The following LCOR variants were observed in gnomAD, a reference collection of about 807,000 sequenced individuals.
LCOR encodes ligand-dependent corepressor.
Under a neutral mutation model 64.4 loss-of-function variants are expected in LCOR, and 14 were observed. That is an observed-to-expected ratio of 0.22 (90% CI 0.14 to 0.34). LCOR has a LOEUF of 0.34. Among genes scored for constraint, LCOR ranks in the 10% least tolerant of loss-of-function variants. LCOR has a pLI of 1.00. For synonymous variants in LCOR, 643 were observed against 642.5 expected, an observed-to-expected ratio of 1.00 and a Z score of -0.01; for missense variants, 1,686 against 1,765.3, an observed-to-expected ratio of 0.96 and a Z score of 0.80.
At chr10:96,939,749 G>A (rs1036011222) in intron 4 of LCOR, among the ~76,000 whole-genome samples, 26 of 152,212 alleles carry the variant, frequency 1.7e-4, no homozygotes. Flanking sequence ...GGATCACAAG[G>A]TCAGGAGATC....
chr10:96,920,228 T>C (rs1847024230), intron 4 of LCOR, among the ~76,000 whole-genome samples: 1 of 151,762 alleles, frequency 6.6e-6, no homozygotes, highest in East Asian at 1.9e-4. Context: ...CTCGTTGTGG[T>C]TTTGGTTTGC....
At position 96,883,099 on chromosome 10, in the gene LCOR, C is replaced by T. The variant is rs567775214; in HGVS notation, c.-329-24166C>T. On this transcript the variant is annotated intron_variant, in intron 2 of 7. Transcript: ENST00000421806. ...TTGTTCAGGCTGGAGTGCAGTGGCA[C>T]GATCTTGGCTCGCTGCAACCCTCAC... is the stretch of plus-strand genomic sequence containing the variant. Among the ~76,000 whole-genome samples the T allele has an allele frequency of 8.5e-4, 129 of 152,302 alleles. 1 individual carries two copies. The highest frequency in any genetic ancestry group is 1.1e-3 in the African/African-American group (46 of 41,558).
intron 2 of LCOR, among the ~76,000 whole-genome samples, chr10:96,858,449 C>CT (rs1564605404): frequency 6.6e-6 from 1 of 152,184 alleles, no homozygotes; most frequent in Non-Finnish European, 1.5e-5. Context: ...CCTTCCAGAA[C>CT]TACAGGGTTA....
At chr10:96,896,876 A>G (rs1393987470) in intron 2 of LCOR, among the ~76,000 whole-genome samples, 2 of 152,142 alleles carry the variant, frequency 1.3e-5, no homozygotes, top group East Asian at 3.8e-4. Context: ...AGGAATAGGG[A>G]GAGGATGGGA....
At chr10:96,866,974 T>A (rs992678563) in intron 2 of LCOR, among the ~76,000 whole-genome samples, 2 of 152,118 alleles carry the variant, frequency 1.3e-5, no homozygotes, top group Admixed American at 1.3e-4. Context: ...TTTTCGTATT[T>A]GTCAGTCTTT....
rs762449830 is a variant in LCOR, at chr10:96,983,602, T to C, written c.3142T>C (p.Ser1048Pro). 5.6e-6 allele frequency: 9 copies of C among 1,614,148 alleles called. No homozygotes were observed. The highest frequency in any genetic ancestry group is 7.6e-6 in the Non-Finnish European group (9 of 1,180,018). Residue 1048 changes from serine (S) to proline (P), a missense_variant, in exon 8 of 8, where the codon TCT becomes CCT. Ser to Pro is a moderately conservative substitution (Grantham distance 74). Transcript: ENST00000421806. The surrounding 1 kb of genome is among the most constrained non-coding windows in gnomAD (Gnocchi z 4.5). ...AACCTACAACCTAAGACACGCTCATTCTCTGGGCTCCTTGGATGCTTCAAA... is the reference window on the plus strand; with the variant it reads ...AACCTACAACCTAAGACACGCTCATCCTCTGGGCTCCTTGGATGCTTCAAA... Reference protein sequence around the residue: ...SSTYNLRHAHSLGSLDASKVT... With the variant: ...SSTYNLRHAHPLGSLDASKVT...
chr10:96,932,348 A>C (rs1847275189), intron 4 of LCOR, among the ~76,000 whole-genome samples: 1 of 152,210 alleles, frequency 6.6e-6, no homozygotes, highest in Non-Finnish European at 1.5e-5. Context: ...GTAAACTCAT[A>C]GGAAAGGAAA....
chr10:96,957,908 T>A (rs918683905), intron 7 of LCOR: 14 of 986,142 alleles, frequency 1.4e-5, no homozygotes, highest in Middle Eastern at 1.0e-3. Context: ...GAAAAAACAG[T>A]TTGGGTTCAA....
rs140386217 is a variant in LCOR, at chr10:96,846,860, G to C, written c.-330+13381G>C. 3.0e-3 allele frequency among the ~76,000 whole-genome samples: 457 copies of C among 152,244 alleles called. 3 individuals carry two copies. Among genetic ancestry groups the C allele is most frequent in the African/African-American group, 0.011 (437 of 41,552 alleles). On this transcript the variant is annotated intron_variant, in intron 2 of 7. Coordinates refer to ENST00000421806, the MANE Select transcript of LCOR (RefSeq NM_001346516.2). ...TTTGGTCCCCTTCTCCTTAGGAGAAGAACTTCTGCTTAACTTTATGTAACA... is the reference window on the plus strand; with the variant it reads ...TTTGGTCCCCTTCTCCTTAGGAGAACAACTTCTGCTTAACTTTATGTAACA...
At chr10:96,858,038 A>G (rs536609926) in intron 2 of LCOR, among the ~76,000 whole-genome samples, 1 of 152,346 alleles carries the variant, frequency 6.6e-6, no homozygotes, top group African/African-American at 2.4e-5. Context: ...AAAAACTAAG[A>G]TGAGAAAGAG....
intron 2 of LCOR, among the ~76,000 whole-genome samples, chr10:96,900,880 T>G (rs1444261547): frequency 6.7e-6 from 1 of 150,056 alleles, no homozygotes; most frequent in Non-Finnish European, 1.5e-5. Flanking sequence ...TTTTTTTTTT[T>G]CTTTTTTCTG....
intron 5 of LCOR, among the ~76,000 whole-genome samples, chr10:96,946,727 C>G (rs1318744359): frequency 6.6e-6 from 1 of 152,150 alleles, no homozygotes; most frequent in African/African-American, 2.4e-5. Flanking sequence ...ACTGTCTTGT[C>G]TCATGACTGT....
At chr10:96,931,329 GT>G (rs1847256979) in intron 4 of LCOR, among the ~76,000 whole-genome samples, 1 of 151,756 alleles carries the variant, frequency 6.6e-6, no homozygotes, top group Non-Finnish European at 1.5e-5. Context: ...CGCCTCCCAG[GT>G]TCAAGTGATT....
At chr10:96,889,456 T>C (rs1442510738) in intron 2 of LCOR, among the ~76,000 whole-genome samples, 1 of 152,226 alleles carries the variant, frequency 6.6e-6, no homozygotes, top group African/African-American at 2.4e-5. Context: ...CCTCTCCTCC[T>C]GGCTTGTAGG....
chr10:96,851,568 T>A (rs1018615308), intron 2 of LCOR, among the ~76,000 whole-genome samples: 1 of 152,124 alleles, frequency 6.6e-6, no homozygotes, highest in Admixed American at 6.6e-5. Context: ...CATGGTGAAA[T>A]CATGTCAGTT....
chr10:96,966,830 G>A (rs1296458836), intron 7 of LCOR, among the ~76,000 whole-genome samples: 1 of 152,144 alleles, frequency 6.6e-6, no homozygotes, highest in Non-Finnish European at 1.5e-5. Context: ...CGACCTGCTG[G>A]GCTTACGTGA....
intron 2 of LCOR, among the ~76,000 whole-genome samples, chr10:96,833,971 G>T (rs758708857): frequency 7.9e-5 from 12 of 152,220 alleles, no homozygotes; most frequent in Non-Finnish European, 1.5e-4. Flanking sequence ...GGTTAGCTCA[G>T]TGTCTTTGTG....
intron 7 of LCOR, chr10:96,957,205 ATTT>A (rs1354952020): frequency 3.0e-6 from 3 of 983,652 alleles, no homozygotes; most frequent in Non-Finnish European, 3.6e-6. Context: ...GTTGGTTAGA[ATTT>A]TTTTCTGTTT....
At chr10:96,962,155 C>T (rs1463009346) in intron 7 of LCOR, 1 of 151,928 alleles carries the variant, frequency 6.6e-6, no homozygotes, top group African/African-American at 2.4e-5. Flanking sequence ...AAGACAATAA[C>T]ATTTTGTACC....
Sources: allele counts gnomAD v4.1 joint callset (sites outside exome capture counted in the v4.1 genomes callset), GRCh38; gene constraint gnomAD v4.1.1; non-coding constraint Gnocchi (gnomAD v3.1); transcripts MANE v1.5; gene names NCBI Gene and HGNC (gene_info 2026-07-23, HGNC 2026-07-21).